Variants in KIAA1217 observed in about 807,000 individuals in gnomAD.
KIAA1217 encodes sickle tail protein homolog.
Under a neutral mutation model 163.9 loss-of-function variants are expected in KIAA1217, and 88 were observed. The ratio of observed to expected loss-of-function variants is 0.54; its 90% CI spans 0.45 to 0.64. KIAA1217 has a LOEUF of 0.64. Among genes scored for constraint, KIAA1217 ranks in the 30% least tolerant of loss-of-function variants. KIAA1217 has a pLI of 0.00. For synonymous variants in KIAA1217, 903 were observed against 923.1 expected (o/e 0.98, Z 0.39); for missense variants, 2,372 against 2,475.0 (o/e 0.96, Z 0.88).
intron 2 of KIAA1217, among the ~76,000 whole-genome samples, chr10:24,100,090 A>G (rs2062350727): frequency 6.6e-6 from 1 of 151,952 alleles, no homozygotes; most frequent in Non-Finnish European, 1.5e-5. Context: ...TCTTCACTAT[A>G]GCAAAATAAG....
rs551052505 is a variant in KIAA1217 at position 24,438,652 on chromosome 10, T to A, written c.846+173T>A. Among the ~76,000 whole-genome samples, 36 of 152,184 alleles carry A rather than the reference T, an allele frequency of 2.4e-4. No homozygotes were observed. The highest frequency in any genetic ancestry group is 4.4e-4 in the Non-Finnish European group (30 of 68,026). On this transcript the variant is annotated intron_variant, in intron 5 of 20. Transcript: ENST00000376454. The stretch of plus-strand genomic sequence containing the variant: ...TGGTAGAGAAGTAAGATTTCCTGGT[T>A]ATTTAGGGCAAAGGGATTAAAATAA...
At chr10:24,459,232 A>G (rs1158617862) in intron 5 of KIAA1217, among the ~76,000 whole-genome samples, 2 of 152,092 alleles carry the variant, frequency 1.3e-5, no homozygotes, top group East Asian at 3.9e-4. Context: ...TGGAATACCT[A>G]AGAAAGGGAC....
At chr10:23,847,780 G>T (rs998376867) in intron 1 of KIAA1217, among the ~76,000 whole-genome samples, 9 of 151,940 alleles carry the variant, frequency 5.9e-5, no homozygotes, top group African/African-American at 2.2e-4. Flanking sequence ...GTTTGCTCTT[G>T]CTTCTCTAGT....
intron 1 of KIAA1217, among the ~76,000 whole-genome samples, chr10:23,850,132 T>C (rs1000379163): frequency 6.6e-6 from 1 of 152,076 alleles, no homozygotes; most frequent in African/African-American, 2.4e-5. Flanking sequence ...GAGTTTTTAA[T>C]TAAAAAGAAC....
At chr10:24,169,531 C>T (rs2065521558) in intron 2 of KIAA1217, among the ~76,000 whole-genome samples, 1 of 152,176 alleles carries the variant, frequency 6.6e-6, no homozygotes, top group Admixed American at 6.5e-5. Flanking sequence ...TGTTCCCTGC[C>T]ATAACTGAAT....
chr10:23,712,956 G>C (rs887991085), intron 1 of KIAA1217, among the ~76,000 whole-genome samples: 3 of 152,104 alleles, frequency 2.0e-5, no homozygotes, highest in South Asian at 2.1e-4. Flanking sequence ...AGCAGCCAAG[G>C]GGGTGGAGTT....
chr10:23,882,420 G>C (rs1450604673), intron 1 of KIAA1217, among the ~76,000 whole-genome samples: 2 of 151,940 alleles, frequency 1.3e-5, no homozygotes, highest in Non-Finnish European at 2.9e-5. Context: ...AGAGAGGAAA[G>C]AATTGAAGGG....
chr10:23,830,669 G>GGTAGGTAT, intron 1 of KIAA1217, among the ~76,000 whole-genome samples: 1 of 140,000 alleles, frequency 7.1e-6, no homozygotes, highest in South Asian at 2.2e-4. Flanking sequence ...AGAAATCATA[G>GGTAGGTAT]GTAGGTAGGT....
chr10:24,540,058 T>C (rs1277013458), intron 17 of KIAA1217, among the ~76,000 whole-genome samples: 1 of 152,244 alleles, frequency 6.6e-6, no homozygotes, highest in Non-Finnish European at 1.5e-5. Flanking sequence ...ATGACAATTA[T>C]GACCAAGCTC....
At chr10:24,409,794 C>A (rs2057573662) in intron 3 of KIAA1217, among the ~76,000 whole-genome samples, 2 of 151,968 alleles carry the variant, frequency 1.3e-5, no homozygotes, top group South Asian at 4.2e-4. Flanking sequence ...CATTCTTATG[C>A]CTTTAAGTCC....
chr10:23,725,015 C>T (rs933327495), intron 1 of KIAA1217, among the ~76,000 whole-genome samples: 2 of 152,134 alleles, frequency 1.3e-5, no homozygotes, highest in East Asian at 1.9e-4. Context: ...GAGGGAGCCT[C>T]CCTACACCCA....
intron 2 of KIAA1217, among the ~76,000 whole-genome samples, chr10:24,099,334 A>C (rs1383859185): frequency 2.1e-5 from 3 of 144,700 alleles, no homozygotes; most frequent in East Asian, 2.1e-4. Context: ...TCCCTCCCCC[A>C]TTCCCCTACC....
intron 1 of KIAA1217, among the ~76,000 whole-genome samples, chr10:23,818,608 C>A (rs1837476972): frequency 1.3e-5 from 2 of 151,956 alleles, no homozygotes; most frequent in African/African-American, 4.8e-5. Flanking sequence ...CGACAGAAAC[C>A]AAAACCCACT....
Position 24,533,213 on chromosome 10 carries a change from A to C in KIAA1217, c.3390A>C (p.Gly1130=). 6.2e-7 allele frequency: 1 copy of C among 1,612,434 alleles called. No individual in the cohort carries two copies. Among genetic ancestry groups the C allele is most frequent in the Non-Finnish European group, 8.5e-7 (1 of 1,179,424 alleles). ...SKDEEEEEEE[G]DKIMAELQAF... ...ATGAGGAGGAAGAAGAAGAAGAAGG[A>C]GACAAAATAATGGCAGAACTCCAGG... The change falls in exon 16 of 21, where the codon GGA becomes GGC. Residue 1130 remains glycine (G), a synonymous_variant. Coordinates refer to ENST00000376454, the MANE Select transcript of KIAA1217 (RefSeq NM_019590.5).
At chr10:23,934,199 A>G (rs1843376486) in intron 1 of KIAA1217, among the ~76,000 whole-genome samples, 1 of 152,160 alleles carries the variant, frequency 6.6e-6, no homozygotes, top group Non-Finnish European at 1.5e-5. Flanking sequence ...GTGGAATACT[A>G]TGCAGCCATC....
chr10:23,833,910 T>C (rs927750917), intron 1 of KIAA1217, among the ~76,000 whole-genome samples: 1 of 152,104 alleles, frequency 6.6e-6, no homozygotes, highest in Non-Finnish European at 1.5e-5. Context: ...TTTCTTGTTT[T>C]ATTGCCATCA....
At chr10:24,074,804 G>A (rs555350361) in intron 2 of KIAA1217, among the ~76,000 whole-genome samples, 30 of 149,710 alleles carry the variant, frequency 2.0e-4, no homozygotes, top group Admixed American at 1.9e-3. Context: ...GGGATCAAGT[G>A]ATCCCCCACC....
rs1188740751 is a variant in KIAA1217 at position 23,912,929 on chromosome 10, GTGCCACAGTCTAGGCTTGCTT to G, written c.-320-94293_-320-94273del. Among the ~76,000 whole-genome samples, 3 of 152,302 alleles carry G rather than the reference GTGCCACAGTCTAGGCTTGCTT, an allele frequency of 2.0e-5. No individual in the cohort carries two copies. In the East Asian group the frequency reaches 5.8e-4, roughly 29 times the overall value. On this transcript the variant is annotated intron_variant, in intron 1 of 18. Coordinates refer to the KIAA1217 transcript ENST00000376462. ...CACTTCACTGTCCTTTGTAAAAGCAGTGCCACAGTCTAGGCTTGCTTTGGCTAGTCTGTCACTGACGTTTTT... is the reference window on the plus strand; with the variant it reads ...CACTTCACTGTCCTTTGTAAAAGCAGTGGCTAGTCTGTCACTGACGTTTTT...
intron 1 of KIAA1217, among the ~76,000 whole-genome samples, chr10:23,983,516 A>G (rs963895770): frequency 1.3e-5 from 2 of 152,118 alleles, no homozygotes; most frequent in Admixed American, 1.3e-4. Flanking sequence ...GGTGCTACAC[A>G]CTTTTAAACA....
Sources: gnomAD v4.1 joint callset for allele counts (sites outside exome capture counted in the v4.1 genomes callset) on GRCh38, gnomAD v4.1.1 for gene constraint, MANE v1.5 for transcripts, NCBI Gene and HGNC (gene_info 2026-07-23, HGNC 2026-07-21) for gene names.